Variants in PCBP3 observed in about 807,000 individuals in gnomAD.
PCBP3 encodes the protein poly(rC)-binding protein 3.
Under a neutral mutation model 52.7 loss-of-function variants are expected in PCBP3, and 25 were observed. The ratio of observed to expected loss-of-function variants is 0.47; its 90% CI spans 0.35 to 0.66. PCBP3 has a LOEUF of 0.66. PCBP3 is among the 30% of genes least tolerant of loss of function. The pLI is 0.01. For missense variants in PCBP3, 391 were observed against 490.3 expected (o/e 0.80, Z 1.91); for synonymous variants, 162 against 183.0 (o/e 0.89, Z 0.93).
intron 4 of PCBP3, among the ~76,000 whole-genome samples, chr21:45,798,173 A>C (rs369438318): frequency 5.9e-4 from 5 of 8,492 alleles, no homozygotes; most frequent in Admixed American, 3.3e-3. Flanking sequence ...ATGGATCCAT[A>C]GAGAGAGTGA....
chr21:45,938,964 G>T (rs562182292), intron 16 of PCBP3, among the ~76,000 whole-genome samples: 2 of 152,210 alleles, frequency 1.3e-5, no homozygotes, highest in Admixed American at 1.3e-4. Context: ...CCTGCATGCC[G>T]CCACATGGCC....
chr21:45,845,471 GTA>G (rs963952107), intron 4 of PCBP3, among the ~76,000 whole-genome samples: 11 of 150,602 alleles, frequency 7.3e-5, no homozygotes, highest in Non-Finnish European at 1.5e-4. Context: ...CTTCACCTGT[GTA>G]TGTGTGTGTG....
chr21:45,690,603 A>G (rs3945438), intron 2 of PCBP3, among the ~76,000 whole-genome samples: 2 of 151,814 alleles, frequency 1.3e-5, no homozygotes, highest in Non-Finnish European at 2.9e-5. Context: ...TATACAAAGA[A>G]CTTTTGCAGC....
chr21:45,680,949 G>A (rs921578044), intron 2 of PCBP3, among the ~76,000 whole-genome samples: 1 of 152,188 alleles, frequency 6.6e-6, no homozygotes, highest in Non-Finnish European at 1.5e-5. Flanking sequence ...GGGAATCTGG[G>A]AAGCTCAAGA....
chr21:45,899,448 G>A (rs2095962562), intron 6 of PCBP3, 151 bp from the exon 7 acceptor site: 9 of 639,286 alleles, frequency 1.4e-5, no homozygotes, highest in Middle Eastern at 2.8e-4. Context: ...CCCACCAGCA[G>A]ATTCTGAATT....
intron 2 of PCBP3, among the ~76,000 whole-genome samples, chr21:45,691,398 A>G (rs2082455839): frequency 6.9e-6 from 1 of 145,628 alleles, no homozygotes; most frequent in Admixed American, 6.9e-5. Context: ...ATATATATAT[A>G]TCTCATATAT....
rs566249979 is a variant in PCBP3, at chr21:45,877,333, T to C, written c.11-18875T>C. 2.0e-5 allele frequency among the ~76,000 whole-genome samples: 3 copies of C among 152,328 alleles called. 1 individual carries two copies. Among genetic ancestry groups the C allele is most frequent in the African/African-American group, 7.2e-5 (3 of 41,572 alleles). On this transcript the variant is annotated intron_variant, in intron 5 of 17. Coordinates refer to ENST00000681687, the MANE Select transcript of PCBP3 (RefSeq NM_001384156.1). ...GCCTGGATTTATATATGGAAAAACA[T>C]GGGGCTGTGGCCCTGTGTGGCCGCT...
intron 2 of PCBP3, among the ~76,000 whole-genome samples, chr21:45,727,955 TAATA>T (rs1017999628): frequency 1.3e-5 from 2 of 152,230 alleles, no homozygotes; most frequent in Non-Finnish European, 2.9e-5. Context: ...ACTAGCTTTA[TAATA>T]AATCTTGAAA....
At chr21:45,658,027 A>G (rs945262487) in intron 1 of PCBP3, among the ~76,000 whole-genome samples, 2 of 152,210 alleles carry the variant, frequency 1.3e-5, no homozygotes, top group Non-Finnish European at 2.9e-5. Flanking sequence ...ACCAGTAAGT[A>G]TAGGTAGCTG....
intron 4 of PCBP3, among the ~76,000 whole-genome samples, chr21:45,834,954 ACT>A (rs2093546744): frequency 6.6e-6 from 1 of 152,056 alleles, no homozygotes; most frequent in South Asian, 2.1e-4. Flanking sequence ...TGGAAATGTC[ACT>A]CTGCGCGGTG....
intron 5 of PCBP3, among the ~76,000 whole-genome samples, chr21:45,862,442 G>C (rs1603454484): frequency 1.3e-5 from 2 of 152,162 alleles, no homozygotes; most frequent in Admixed American, 1.3e-4. Context: ...TTGCTAAAAA[G>C]ATATAAAAAC....
At chr21:45,651,834 A>C (rs1236995409) in intron 1 of PCBP3, among the ~76,000 whole-genome samples, 1 of 152,236 alleles carries the variant, frequency 6.6e-6, no homozygotes. Flanking sequence ...CTAAAAAATA[A>C]TGTAAGACTT....
intron 5 of PCBP3, among the ~76,000 whole-genome samples, chr21:45,892,476 G>T (rs572223854): frequency 3.5e-5 from 3 of 86,434 alleles, no homozygotes; most frequent in South Asian, 5.4e-4. Context: ...GGCGTGGGGG[G>T]GGGGGCGGTC....
chr21:45,846,669 T>C (rs2093819988), intron 4 of PCBP3, among the ~76,000 whole-genome samples: 1 of 152,222 alleles, frequency 6.6e-6, no homozygotes, highest in African/African-American at 2.4e-5. Flanking sequence ...TAAAGCCAGC[T>C]TCCGTGTTTG....
intron 2 of PCBP3, among the ~76,000 whole-genome samples, chr21:45,701,223 A>T (rs373579894): frequency 6.6e-6 from 1 of 152,194 alleles, no homozygotes; most frequent in East Asian, 1.9e-4. Flanking sequence ...AAATAAGCAA[A>T]CAAACAGGTA....
chr21:45,683,382 T>A (rs2081965015), intron 2 of PCBP3, among the ~76,000 whole-genome samples: 1 of 152,184 alleles, frequency 6.6e-6, no homozygotes, highest in Admixed American at 6.5e-5. Context: ...TGCCTTTCCT[T>A]CCTTAAATTA....
At chr21:45,864,497 A>C (rs1454356798) in intron 5 of PCBP3, among the ~76,000 whole-genome samples, 1 of 152,360 alleles carries the variant, frequency 6.6e-6, no homozygotes, top group East Asian at 1.9e-4. Flanking sequence ...TTACAACAAA[A>C]TTTTATATTT....
intron 1 of PCBP3, among the ~76,000 whole-genome samples, chr21:45,652,534 G>C (rs1200803691): frequency 6.7e-6 from 1 of 150,234 alleles, no homozygotes; most frequent in Non-Finnish European, 1.5e-5. Flanking sequence ...TCCTCTTTCC[G>C]GGTTCAAGCA....
intron 5 of PCBP3, among the ~76,000 whole-genome samples, chr21:45,852,589 CTG>C (rs1347304520): frequency 1.3e-5 from 2 of 149,826 alleles, no homozygotes; most frequent in African/African-American, 5.0e-5. Context: ...TGCAGCCATG[CTG>C]ATTTTTGTTC....
Sources: allele counts gnomAD v4.1 joint callset (sites outside exome capture counted in the v4.1 genomes callset), GRCh38; gene constraint gnomAD v4.1.1; transcripts MANE v1.5; gene names NCBI Gene and HGNC (gene_info 2026-07-23, HGNC 2026-07-21).